The following CHRM5 variants were observed in gnomAD, a reference collection of about 807,000 sequenced individuals.
The protein encoded by CHRM5 is cholinergic receptor muscarinic 5, also known as muscarinic acetylcholine receptor M5.
CHRM5 carries 18 observed loss-of-function variants against 39.0 expected under a neutral mutation model. That is an observed-to-expected ratio of 0.46 (90% confidence interval 0.32 to 0.68). The LOEUF (loss-of-function observed/expected upper bound fraction) is 0.68, where lower values mean the gene tolerates loss of function less well. Ranked by LOEUF, CHRM5 falls within the 30% of genes least tolerant of loss-of-function variation. CHRM5 has a pLI of 0.04. For synonymous variants in CHRM5, 241 were observed against 246.3 expected (o/e 0.98, Z 0.20); for missense variants, 515 against 651.1 (o/e 0.79, Z 2.28).
intron 2 of CHRM5, among the ~76,000 whole-genome samples, chr15:34,057,758 T>C (rs984312193): frequency 6.6e-6 from 1 of 152,184 alleles, no homozygotes; most frequent in African/African-American, 2.4e-5. Flanking sequence ...ATGGTGACAC[T>C]GTTCTCCAGC....
chr15:33,969,540 AT>A (rs1012489398), intron 1 of CHRM5, among the ~76,000 whole-genome samples: 1 of 149,542 alleles, frequency 6.7e-6, no homozygotes, highest in African/African-American at 2.5e-5. Flanking sequence ...ACAAAGAAAA[AT>A]TAATAAGCAT....
intron 1 of CHRM5, among the ~76,000 whole-genome samples, chr15:34,021,760 CA>C (rs1839347028): frequency 6.6e-6 from 1 of 152,188 alleles, no homozygotes; most frequent in East Asian, 1.9e-4. Context: ...GAGGCTGAGG[CA>C]GGAGAATCAC....
intron 1 of CHRM5, among the ~76,000 whole-genome samples, chr15:34,044,379 C>T (rs1899606123): frequency 6.6e-6 from 1 of 152,208 alleles, no homozygotes; most frequent in Non-Finnish European, 1.5e-5. Context: ...CAGTTGATTA[C>T]TCCTTCCTCC....
At chr15:34,028,886 A>T (rs142650966) in intron 1 of CHRM5, among the ~76,000 whole-genome samples, 1 of 152,234 alleles carries the variant, frequency 6.6e-6, no homozygotes, top group South Asian at 2.1e-4. Flanking sequence ...GAGGAAAAAC[A>T]CACAGATGCC....
chr15:33,987,023 C>T (rs753997892), intron 1 of CHRM5, among the ~76,000 whole-genome samples: 1 of 152,214 alleles, frequency 6.6e-6, no homozygotes, highest in Non-Finnish European at 1.5e-5. Flanking sequence ...GGAATTCTCA[C>T]CACAGGTTAT....
intron 1 of CHRM5, among the ~76,000 whole-genome samples, chr15:33,998,021 C>A (rs1419471013): frequency 6.6e-6 from 1 of 152,132 alleles, no homozygotes; most frequent in East Asian, 1.9e-4. Context: ...CTGCTCTCTC[C>A]TTCCACTTCC....
chr15:33,974,107 T>C (rs138362736), intron 1 of CHRM5, among the ~76,000 whole-genome samples: 1 of 152,298 alleles, frequency 6.6e-6, no homozygotes, highest in Non-Finnish European at 1.5e-5. Flanking sequence ...TTTTGCTCTA[T>C]TTGACATATG....
At chr15:33,998,827 C>T (rs1339793569) in intron 1 of CHRM5, among the ~76,000 whole-genome samples, 2 of 152,186 alleles carry the variant, frequency 1.3e-5, no homozygotes, top group East Asian at 3.8e-4. Context: ...TCTCTTTCCC[C>T]TAAACTCTAG....
Position 34,064,181 on chromosome 15 carries a change from C to T in CHRM5, c.1464C>T (p.Ser488=). 1.9e-6 allele frequency: 3 copies of T among 1,614,196 alleles called. No homozygotes were observed. Among genetic ancestry groups the T allele is most frequent in the Non-Finnish European group, 2.5e-6 (3 of 1,180,036 alleles). ...GCTATTGGTTGTGCTATGTCAATAG[C>T]ACTGTCAACCCCATCTGCTATGCCC... ...HLGYWLCYVN[S]TVNPICYALC... The change falls in exon 3 of 3, where the codon AGC becomes AGT. Residue 488 remains serine (S), a synonymous_variant. Coordinates refer to ENST00000383263, the MANE Select transcript of CHRM5 (RefSeq NM_012125.4).
At chr15:33,987,180 T>C (rs746553127) in intron 1 of CHRM5, among the ~76,000 whole-genome samples, 1 of 152,222 alleles carries the variant, frequency 6.6e-6, no homozygotes, top group Non-Finnish European at 1.5e-5. Flanking sequence ...TGTGAGGATA[T>C]TCTTTCCATC....
intron 1 of CHRM5, among the ~76,000 whole-genome samples, chr15:33,993,156 A>G (rs559200153): frequency 5.9e-5 from 9 of 152,160 alleles, no homozygotes; most frequent in Admixed American, 1.3e-4. Flanking sequence ...ACTTTTGGGG[A>G]AAAAAAATGA....
intron 1 of CHRM5, among the ~76,000 whole-genome samples, chr15:34,044,671 G>A (rs1899619507): frequency 6.6e-6 from 1 of 152,156 alleles, no homozygotes; most frequent in Non-Finnish European, 1.5e-5. Context: ...CATAGCCTGT[G>A]GCAGGAGTCG....
At chr15:34,016,369 T>C (rs1460340599) in intron 1 of CHRM5, among the ~76,000 whole-genome samples, 1 of 152,230 alleles carries the variant, frequency 6.6e-6, no homozygotes, top group Admixed American at 6.5e-5. Flanking sequence ...AAACTTACAA[T>C]ACTAATAGAC....
intron 2 of CHRM5, among the ~76,000 whole-genome samples, chr15:34,051,205 CACAACT>C (rs1200398145): frequency 6.6e-6 from 1 of 152,174 alleles, no homozygotes; most frequent in African/African-American, 2.4e-5. Flanking sequence ...CTCACAACCA[CACAACT>C]ACATGGAAAC....
At chr15:33,993,651 TTAAACCAACATAA>T (rs1896817864) in intron 1 of CHRM5, among the ~76,000 whole-genome samples, 1 of 152,146 alleles carries the variant, frequency 6.6e-6, no homozygotes, top group Non-Finnish European at 1.5e-5. Context: ...AGAATAATTA[TTAAACCAACATAA>T]ATAACAATCA....
At chr15:34,029,980 A>G (rs936419535) in intron 1 of CHRM5, among the ~76,000 whole-genome samples, 1 of 152,166 alleles carries the variant, frequency 6.6e-6, no homozygotes, top group African/African-American at 2.4e-5. Context: ...CAAGCCGAGC[A>G]TGGTGACTCA....
intron 1 of CHRM5, among the ~76,000 whole-genome samples, chr15:33,975,670 G>A (rs546578626): frequency 6.6e-6 from 1 of 152,244 alleles, no homozygotes; most frequent in Admixed American, 6.5e-5. Flanking sequence ...GGTGGCTCAC[G>A]CCTGTAATCC....
At chr15:34,005,694 T>C (rs1897311098) in intron 1 of CHRM5, among the ~76,000 whole-genome samples, 1 of 152,224 alleles carries the variant, frequency 6.6e-6, no homozygotes, top group South Asian at 2.1e-4. Context: ...GCAGTGTTAT[T>C]TGATCCACTG....
chr15:34,003,282 A>G (rs1897211186), intron 1 of CHRM5: 4 of 1,325,980 alleles, frequency 3.0e-6, no homozygotes, highest in Non-Finnish European at 3.2e-6. Context: ...CAGTAAAACA[A>G]AAAAGTACAT....
Sources: gnomAD v4.1 joint callset for allele counts (sites outside exome capture counted in the v4.1 genomes callset) on GRCh38, gnomAD v4.1.1 for gene constraint, MANE v1.5 for transcripts, NCBI Gene and HGNC (gene_info 2026-07-23, HGNC 2026-07-21) for gene names.